Variants in ULK3 observed in about 807,000 individuals in gnomAD.
ULK3 encodes the protein serine/threonine-protein kinase ULK3.
In ULK3, 54 loss-of-function variants were observed where a neutral mutation model predicts 69.4. The observed-to-expected ratio is 0.78, with a 90% CI of 0.63 to 0.98. The LOEUF is 0.98. ULK3 is among the 50% of genes least tolerant of loss of function. The probability of loss-of-function intolerance (pLI) is 0.00; values close to 1 mark genes in which losing one functional copy is unlikely to be tolerated. For synonymous variants in ULK3, 240 were observed against 254.5 expected, an observed-to-expected ratio of 0.94 and a Z score of 0.54; for missense variants, 558 against 627.7, an observed-to-expected ratio of 0.89 and a Z score of 1.19.
chr15:74,838,556 G>A, intron 10 of ULK3, 52 bp from the exon 11 acceptor site: 3 of 1,567,856 alleles, frequency 1.9e-6, no homozygotes, highest in Non-Finnish European at 1.7e-6. Flanking sequence ...CCTGTTCGCT[G>A]CAGGATGCCT....
Position 74,839,730 on chromosome 15 carries a change from G to T in ULK3, c.697-17C>A, listed in dbSNP as rs1261345851. The T allele has an allele frequency of 6.6e-7, 1 of 1,518,726 alleles. No homozygotes were observed. The highest frequency in any genetic ancestry group is 8.8e-7 in the Non-Finnish European group (1 of 1,137,742). The allele number at this position is 1,518,726 out of a possible 1,614,324, so 94.1% of individuals were successfully genotyped here. On this transcript the variant is annotated splice_polypyrimidine_tract_variant and intron_variant, in intron 6 of 15. Coordinates refer to ENST00000440863, the MANE Select transcript of ULK3 (RefSeq NM_001099436.4). ...CAAGGGGAGCTGCAGGGAAGGGAAC[G>T]GCAGGGACAGATCACACTGGGCTCC...
intron 12 of ULK3, 25 bp from the exon 13 acceptor site, chr15:74,838,217 G>A: frequency 1.3e-6 from 2 of 1,567,416 alleles, no homozygotes; most frequent in South Asian, 1.2e-5. Flanking sequence ...TGTGTGGTGA[G>A]GACAGGGTGG....
At position 74,838,634 on chromosome 15, in the gene ULK3, G is replaced by C. The variant is rs376602900; in HGVS notation, c.1102+9C>G. On this transcript the variant is annotated intron_variant, in intron 10 of 15. Coordinates refer to ENST00000440863, the MANE Select transcript of ULK3 (RefSeq NM_001099436.4). The stretch of plus-strand genomic sequence containing the variant: ...GGGGCCCTGGGGTCAGCCAGAAACC[G>C]GAGTCTACCTCTGAGCAGGTCTCGG... 10 of 1,607,016 alleles carry C rather than the reference G, an allele frequency of 6.2e-6. No individual in the cohort carries two copies. The highest frequency in any genetic ancestry group is 8.5e-6 in the Non-Finnish European group (10 of 1,176,100).
rs1186486657 is a variant in ULK3 at position 74,837,257 on chromosome 15, G to A, written c.1403-13C>T. ...TGAAGGGTGCAAGCTACGGGGGTGA[G>A]GGGGACAATGGGGGAGGGTCAGTCT... On this transcript the variant is annotated splice_polypyrimidine_tract_variant and intron_variant, in intron 15 of 15. Coordinates refer to ENST00000440863, the MANE Select transcript of ULK3 (RefSeq NM_001099436.4). 8 of 1,596,122 alleles carry A rather than the reference G, an allele frequency of 5.0e-6. No individual in the cohort carries two copies. Among genetic ancestry groups the A allele is most frequent in the Non-Finnish European group, 6.8e-6 (8 of 1,169,770 alleles).
rs750480334 is a variant in ULK3, at chr15:74,837,736, C to G, written c.1335+15G>C. ...CCCACAGACCCTAGCCCCAGCGTGG[C>G]CCCCATGTGCCCACCTTGACCTGCT... On this transcript the variant is annotated intron_variant, in intron 14 of 15. Transcript: ENST00000440863. 1.3e-6 allele frequency: 2 copies of G among 1,590,562 alleles called. No homozygotes were observed. Among genetic ancestry groups the G allele is most frequent in the East Asian group, 4.5e-5 (2 of 43,974 alleles).
In ULK3 at chr15:74,842,448, G is replaced by C. The variant is rs763347625; in HGVS notation, c.103-28C>G. On this transcript the variant is annotated intron_variant, in intron 1 of 15. Transcript: ENST00000440863. This position sits in a 1 kb window ranked among gnomAD's most constrained non-coding sequence, Gnocchi z 4.9. ...GCGAGACAGGAGATTTGGGGACTCT[G>C]CCTTGAGGGGGCCAGGACCCTTGTC... The C allele has an allele frequency of 1.5e-5, 25 of 1,613,462 alleles. No homozygotes were observed. The South Asian group carries it at 2.6e-4, about 17-fold the overall frequency.
In ULK3 at chr15:74,838,256, G is replaced by A. The variant is rs1360637826; in HGVS notation, c.1246+10C>T. On this transcript the variant is annotated intron_variant, in intron 12 of 15. Transcript: ENST00000440863. ...GAGGCCCTGTGGGGGGCATAAATGG[G>A]GGCCCTCACCTGCCAGCAACAGCAG... 5 of 1,562,226 alleles carry A rather than the reference G, an allele frequency of 3.2e-6. No individual in the cohort carries two copies. The highest frequency in any genetic ancestry group is 4.3e-6 in the Non-Finnish European group (5 of 1,153,516).
Position 74,842,999 on chromosome 15 carries a change from C to A in ULK3, c.102+5G>T. 1 of 1,546,948 alleles carries A rather than the reference C, an allele frequency of 6.5e-7. No individual in the cohort carries two copies. Among genetic ancestry groups the A allele is most frequent in the Non-Finnish European group, 8.7e-7 (1 of 1,145,640 alleles). The stretch of plus-strand genomic sequence containing the variant: ...GCGGGCACGGGGCCATCGGCCGGCA[C>A]CCACCTTGGCGTAGGCCTTGTACAC... On this transcript the variant is annotated splice_donor_5th_base_variant and intron_variant, in intron 1 of 15. Coordinates refer to ENST00000440863, the MANE Select transcript of ULK3 (RefSeq NM_001099436.4). The surrounding 1 kb of genome is among the most constrained non-coding windows in gnomAD (Gnocchi z 4.9).
chr15:74,836,611 G>T lies in ULK3; in HGVS notation c.*617C>A. On this transcript the variant is annotated 3_prime_UTR_variant, in exon 16 of 16. Transcript: ENST00000440863. The surrounding 1 kb of genome is among the most constrained non-coding windows in gnomAD (Gnocchi z 4.0). ...TAGGCCAGGGCAGGAACAAGGCTTG[G>T]GCTTCTTAAACCCCAAAAGATCCAG... 6.6e-6 allele frequency: 1 copy of T among 152,492 alleles called. No homozygotes were observed. 9.4% of individuals were successfully genotyped at this position (152,492 alleles called of 1,614,324 possible).
Position 74,837,446 on chromosome 15 carries a change from T to G in ULK3, c.1336-11A>C. 6.2e-7 allele frequency: 1 copy of G among 1,608,818 alleles called. No individual in the cohort carries two copies. The highest frequency in any genetic ancestry group is 1.1e-5 in the South Asian group (1 of 90,200). The stretch of plus-strand genomic sequence containing the variant: ...GCGAGATTCCCTCATCTGTGGGATG[T>G]GAAGGCAGCACAAGGGATGAGAGGC... On this transcript the variant is annotated splice_polypyrimidine_tract_variant and intron_variant, in intron 14 of 15. Coordinates refer to ENST00000440863, the MANE Select transcript of ULK3 (RefSeq NM_001099436.4).
At chr15:74,840,338 G>C in intron 5 of ULK3, 22 bp from the exon 6 acceptor site, 1 of 1,599,568 alleles carries the variant, frequency 6.3e-7, no homozygotes, top group Non-Finnish European at 8.5e-7. Flanking sequence ...AGGCAGAGCG[G>C]AGGCTGGGAG....
In ULK3 at chr15:74,840,274, G is replaced by A. The variant is rs772952582; in HGVS notation, c.656C>T (p.Ser219Leu). Residue 219 changes from serine (S) to leucine (L), a missense_variant, in exon 6 of 16, where the codon TCG becomes TTG. By Grantham distance (145) the Ser-to-Leu change is moderately radical (BLOSUM62 -2). Transcript: ENST00000440863. Reference protein sequence around the residue: ...GQPPFASRSFSELEEKIRSNR... With the variant: ...GQPPFASRSFLELEEKIRSNR... The stretch of plus-strand genomic sequence containing the variant: ...GCTACGGATCTTCTCTTCCAGCTCC[G>A]AGAACGACCTGGAGGCAAAGGGGGG... 18 of 1,611,326 alleles carry A rather than the reference G, an allele frequency of 1.1e-5. No homozygotes were observed. Among genetic ancestry groups the A allele is most frequent in the African/African-American group, 2.7e-5 (2 of 74,982 alleles).
Position 74,838,748 on chromosome 15 carries a change from G to A in ULK3, c.1000-3C>T, listed in dbSNP as rs377183564. ...GCCCGGGACACGTACTGCCCCACCTGTAGCAGGGAAAGGGCCTGAGGAGGG... is the reference window on the plus strand; with the variant it reads ...GCCCGGGACACGTACTGCCCCACCTATAGCAGGGAAAGGGCCTGAGGAGGG... On this transcript the variant is annotated splice_polypyrimidine_tract_variant and splice_region_variant and intron_variant, in intron 9 of 15. Transcript: ENST00000440863. 16 of 1,600,668 alleles carry A rather than the reference G, an allele frequency of 1.0e-5. No individual in the cohort carries two copies. Among genetic ancestry groups the A allele is most frequent in the Non-Finnish European group, 1.3e-5 (15 of 1,171,898 alleles).
At chr15:74,841,989 C>A in intron 3 of ULK3, 86 bp downstream of exon 3, 1 of 1,593,264 alleles carries the variant, frequency 6.3e-7, no homozygotes, top group African/African-American at 1.3e-5. Context: ...CAATGCGTGC[C>A]AAGGCTCTAA....
intron 10 of ULK3, 45 bp from the exon 11 acceptor site, chr15:74,838,549 G>T: frequency 6.4e-7 from 1 of 1,566,030 alleles, no homozygotes. Flanking sequence ...CAACCTGCCT[G>T]TTCGCTGCAG....
Position 74,842,451 on chromosome 15 carries a change from T to A in ULK3, c.103-31A>T. On this transcript the variant is annotated intron_variant, in intron 1 of 15. Coordinates refer to ENST00000440863, the MANE Select transcript of ULK3 (RefSeq NM_001099436.4). This position sits in a 1 kb window ranked among gnomAD's most constrained non-coding sequence, Gnocchi z 4.9. ...AGACAGGAGATTTGGGGACTCTGCC[T>A]TGAGGGGGCCAGGACCCTTGTCTGA... 2 of 1,613,594 alleles carry A rather than the reference T, an allele frequency of 1.2e-6. No homozygotes were observed. Among genetic ancestry groups the A allele is most frequent in the Non-Finnish European group, 1.7e-6 (2 of 1,179,884 alleles).
rs973560381 is a variant in ULK3, at chr15:74,838,386, G to A, written c.1168-42C>T. On this transcript the variant is annotated intron_variant, in intron 11 of 15. Coordinates refer to ENST00000440863, the MANE Select transcript of ULK3 (RefSeq NM_001099436.4). ...ACCAGGCTGCTTAGGGTCATGGCCT[G>A]GGTATCTCCCTGCCCTGCCCCGACC... is the stretch of plus-strand genomic sequence containing the variant. 6 of 1,562,098 alleles carry A rather than the reference G, an allele frequency of 3.8e-6. No individual in the cohort carries two copies. The African/African-American group carries it at 5.4e-5, about 14-fold the overall frequency.
In ULK3 at chr15:74,836,897, C is replaced by T. The variant is rs575387129; in HGVS notation, c.*331G>A. The stretch of plus-strand genomic sequence containing the variant: ...CCCTGCGGGGGCCCCTTGCCCTCTT[C>T]TCGGAGCCAAAAATGATAGAGGGCT... On this transcript the variant is annotated 3_prime_UTR_variant, in exon 16 of 16. Transcript: ENST00000440863. This position sits in a 1 kb window ranked among gnomAD's most constrained non-coding sequence, Gnocchi z 4.0. 6 of 261,620 alleles carry T rather than the reference C, an allele frequency of 2.3e-5. No individual in the cohort carries two copies. The highest frequency in any genetic ancestry group is 1.3e-4 in the African/African-American group (6 of 45,582). 16.2% of individuals were successfully genotyped at this position (261,620 alleles called of 1,614,324 possible). A position where few individuals can be genotyped will look rare whatever the true frequency, so the allele number is the denominator to read the frequency against.
In ULK3 at chr15:74,839,625, T is replaced by G; in HGVS notation, c.785A>C (p.Gln262Pro). The change falls in exon 7 of 16, where the codon CAG becomes CCG. Residue 262 changes from glutamine to proline, a missense_variant. Coordinates refer to ENST00000440863, the MANE Select transcript of ULK3 (RefSeq NM_001099436.4). Reference protein sequence around the residue: ...ERDPSRRISFQDFFAHPWVDL... With the variant: ...ERDPSRRISFPDFFAHPWVDL... Reference sequence around the variant, plus strand: ...CACCCAGGGGTGCGCAAAAAAGTCCTGGAAGGAGATGCGACGGCTGGGGTC... The same window carrying G: ...CACCCAGGGGTGCGCAAAAAAGTCCGGGAAGGAGATGCGACGGCTGGGGTC... 1 of 1,559,596 alleles carries G rather than the reference T, an allele frequency of 6.4e-7. No homozygotes were observed. Among genetic ancestry groups the G allele is most frequent in the Non-Finnish European group, 8.7e-7 (1 of 1,153,084 alleles).
Sources: allele counts gnomAD v4.1 joint callset, GRCh38; gene constraint gnomAD v4.1.1; non-coding constraint Gnocchi (gnomAD v3.1); transcripts MANE v1.5; gene names NCBI Gene and HGNC (gene_info 2026-07-23, HGNC 2026-07-21).